The following EHBP1 variants were observed in gnomAD, a reference collection of about 807,000 sequenced individuals.
The protein encoded by EHBP1 is EH domain binding protein 1.
In EHBP1, 55 loss-of-function variants were observed where a neutral mutation model predicts 144.0. The ratio of observed to expected loss-of-function variants is 0.38; its 90% CI spans 0.31 to 0.48. The LOEUF (loss-of-function observed/expected upper bound fraction) is 0.48, where lower values mean the gene tolerates loss of function less well. Ranked by LOEUF, EHBP1 falls within the 20% of genes least tolerant of loss-of-function variation. The probability of loss-of-function intolerance (pLI) is 0.98; values close to 1 mark genes in which losing one functional copy is unlikely to be tolerated. For missense variants in EHBP1, 1,200 were observed against 1,364.2 expected, an observed-to-expected ratio of 0.88 and a Z score of 1.90; for synonymous variants, 469 against 472.7, an observed-to-expected ratio of 0.99 and a Z score of 0.10.
intron 7 of EHBP1, among the ~76,000 whole-genome samples, chr2:62,850,975 C>T (rs909576896): frequency 3.3e-5 from 5 of 152,130 alleles, no homozygotes; most frequent in African/African-American, 1.2e-4. Context: ...ACTAATAGCC[C>T]AGTCTCAGTT....
intron 5 of EHBP1, among the ~76,000 whole-genome samples, chr2:62,795,576 C>T (rs917547790): frequency 6.6e-6 from 1 of 152,002 alleles, no homozygotes; most frequent in Non-Finnish European, 1.5e-5. Context: ...CTAAAACTGG[C>T]TTTACTCTCA....
At position 63,015,800 on chromosome 2, in the gene EHBP1, G is replaced by T. The variant is rs374433984; in HGVS notation, c.3103+19034G>T. 5.3e-5 allele frequency among the ~76,000 whole-genome samples: 8 copies of T among 151,982 alleles called. No individual in the cohort carries two copies. The South Asian group carries it at 1.0e-3, about 20-fold the overall frequency. ...AACTGAAAAAAATTTAAAAAGTGAA[G>T]GTGTGTCATTAAAAATTGTTTTCTA... On this transcript the variant is annotated intron_variant, in intron 19 of 22. Coordinates refer to ENST00000431489, the MANE Select transcript of EHBP1 (RefSeq NM_001142616.3).
chr2:62,808,699 A>G (rs2044704966), intron 5 of EHBP1, among the ~76,000 whole-genome samples: 1 of 151,844 alleles, frequency 6.6e-6, no homozygotes, highest in Admixed American at 6.6e-5. Flanking sequence ...TGATAGCCAG[A>G]TGTGATTTCC....
intron 19 of EHBP1, among the ~76,000 whole-genome samples, chr2:63,024,160 A>G (rs2060875869): frequency 6.6e-6 from 1 of 152,136 alleles, no homozygotes; most frequent in South Asian, 2.1e-4. Flanking sequence ...CCTGGCCAAC[A>G]TGGTGAAACC....
intron 16 of EHBP1, among the ~76,000 whole-genome samples, chr2:62,993,192 A>G (rs1273699389): frequency 2.0e-5 from 3 of 152,156 alleles, no homozygotes; most frequent in African/African-American, 7.2e-5. Context: ...ATAAAATTAG[A>G]AACTAGTTCT....
rs372748419 is a variant in EHBP1, at chr2:62,708,000, A to G, written c.104+705A>G. Among the ~76,000 whole-genome samples the G allele has an allele frequency of 6.8e-4, 103 of 152,248 alleles. 1 individual carries two copies. The highest frequency in any genetic ancestry group is 2.4e-4 in the Non-Finnish European group (16 of 68,020). On this transcript the variant is annotated intron_variant, in intron 2 of 22. Transcript: ENST00000431489. The stretch of plus-strand genomic sequence containing the variant: ...TTGCCCTGAATGATAAACAACAAAA[A>G]TTTTTTATTTAGTGAGAGAAAAAAG...
intron 9 of EHBP1, among the ~76,000 whole-genome samples, chr2:62,873,997 T>C (rs2050684802): frequency 6.6e-6 from 1 of 152,122 alleles, no homozygotes; most frequent in Admixed American, 6.6e-5. Flanking sequence ...AAAAAAGAAA[T>C]CAAATTGACA....
chr2:62,676,987 A>G (rs1439300805), intron 1 of EHBP1, among the ~76,000 whole-genome samples: 8 of 152,168 alleles, frequency 5.3e-5, no homozygotes. Context: ...GCATAGTGAA[A>G]CCTTGTCTCT....
chr2:62,706,985 T>A lies in EHBP1; in HGVS notation c.-207T>A, dbSNP rs1207741052. 3 of 534,314 alleles carry A rather than the reference T, an allele frequency of 5.6e-6. No individual in the cohort carries two copies. The highest frequency in any genetic ancestry group is 3.8e-5 in the African/African-American group (2 of 52,320). 33.1% of individuals were successfully genotyped at this position (534,314 alleles called of 1,614,324 possible). A position where few individuals can be genotyped will look rare whatever the true frequency, so the allele number is the denominator to read the frequency against. ...CTTCCCACTCATCCTGTCACGTATATCATAGTGTTCTTGACTGGGCCATTC... is the reference window on the plus strand; with the variant it reads ...CTTCCCACTCATCCTGTCACGTATAACATAGTGTTCTTGACTGGGCCATTC... On this transcript the variant is annotated 5_prime_UTR_variant, in exon 2 of 23. Transcript: ENST00000431489.
chr2:62,934,051 C>G (rs1038304033), intron 10 of EHBP1, among the ~76,000 whole-genome samples: 2 of 151,988 alleles, frequency 1.3e-5, no homozygotes, highest in African/African-American at 4.8e-5. Context: ...CATATGTATT[C>G]TATTCTGTGC....
intron 7 of EHBP1, 50 bp from the exon 8 acceptor site, chr2:62,859,119 A>G (rs1388084349): frequency 1.3e-6 from 2 of 1,531,040 alleles, no homozygotes; most frequent in South Asian, 1.3e-5. Flanking sequence ...CGAATGTTCA[A>G]TACTTACACT....
intron 2 of EHBP1, among the ~76,000 whole-genome samples, chr2:62,714,333 CTG>C (rs1419766137): frequency 6.6e-6 from 1 of 152,198 alleles, no homozygotes; most frequent in East Asian, 1.9e-4. Context: ...TCTGTGTTCT[CTG>C]TGCTCAGGCT....
At chr2:62,923,791 C>G (rs1305424593) in intron 10 of EHBP1, among the ~76,000 whole-genome samples, 1 of 152,208 alleles carries the variant, frequency 6.6e-6, no homozygotes, top group South Asian at 2.1e-4. Context: ...ATGCCCCAGA[C>G]CAACCAAATA....
intron 3 of EHBP1, among the ~76,000 whole-genome samples, chr2:62,749,165 G>A (rs1244574849): frequency 6.6e-6 from 1 of 151,852 alleles, no homozygotes; most frequent in Non-Finnish European, 1.5e-5. Flanking sequence ...CCCCCTGTGT[G>A]TGATGTTCCC....
At chr2:62,973,857 G>C (rs1224607259) in intron 14 of EHBP1, among the ~76,000 whole-genome samples, 1 of 151,974 alleles carries the variant, frequency 6.6e-6, no homozygotes, top group Non-Finnish European at 1.5e-5. Flanking sequence ...AAATTAGCCA[G>C]GCATGGTGGC....
In EHBP1 at chr2:62,738,629, T is replaced by G. The variant is rs772296654; in HGVS notation, c.105-8766T>G. ...CCTTTTTTCACTGCTGTACTGGGGA[T>G]AGTCAGATATTTAGCCTTCTGGATT... On this transcript the variant is annotated intron_variant, in intron 2 of 22. Transcript: ENST00000431489. Among the ~76,000 whole-genome samples the G allele has an allele frequency of 2.0e-5, 3 of 152,182 alleles. No homozygotes were observed. The East Asian group carries it at 5.8e-4, about 29-fold the overall frequency.
intron 5 of EHBP1, among the ~76,000 whole-genome samples, chr2:62,817,783 A>G (rs2045555777): frequency 6.7e-6 from 1 of 150,174 alleles, no homozygotes; most frequent in Non-Finnish European, 1.5e-5. Context: ...GAGGGGTGGT[A>G]AATTGAAAAA....
intron 19 of EHBP1, among the ~76,000 whole-genome samples, chr2:63,000,058 A>C (rs1292310562): frequency 6.6e-6 from 1 of 152,146 alleles, no homozygotes; most frequent in Non-Finnish European, 1.5e-5. Flanking sequence ...GATTTTAAGC[A>C]CCACCCCTGT....
chr2:62,808,057 A>C (rs1321690635), intron 5 of EHBP1, among the ~76,000 whole-genome samples: 1 of 151,544 alleles, frequency 6.6e-6, no homozygotes, highest in Non-Finnish European at 1.5e-5. Flanking sequence ...TATCTCTAAA[A>C]AAAAAAAAAA....
Sources: allele counts gnomAD v4.1 joint callset (sites outside exome capture counted in the v4.1 genomes callset), GRCh38; gene constraint gnomAD v4.1.1; transcripts MANE v1.5; gene names NCBI Gene and HGNC (gene_info 2026-07-23, HGNC 2026-07-21).